ALDH18A1: variants seen among roughly 807,000 people sequenced by gnomAD.
The protein encoded by ALDH18A1 is aldehyde dehydrogenase 18 family member A1.
In ALDH18A1, 44 loss-of-function variants were observed where a neutral mutation model predicts 88.8. The ratio of observed to expected loss-of-function variants is 0.50; its 90% CI spans 0.39 to 0.64. The LOEUF is 0.64. ALDH18A1 is among the 30% of genes least tolerant of loss of function. The pLI is 0.00. For synonymous variants in ALDH18A1, 331 were observed against 372.1 expected (o/e 0.89, Z 1.27); for missense variants, 782 against 1,009.5 (o/e 0.77, Z 3.05).
chr10:95,620,150 A>C (rs1181849673), intron 12 of ALDH18A1, among the ~76,000 whole-genome samples: 1 of 152,260 alleles, frequency 6.6e-6, no homozygotes. Flanking sequence ...TCTCAAAAGA[A>C]GACATTTATG....
intron 7 of ALDH18A1, among the ~76,000 whole-genome samples, chr10:95,632,628 T>G (rs1214174074): frequency 6.6e-6 from 1 of 152,224 alleles, no homozygotes; most frequent in Admixed American, 6.5e-5. Context: ...CCTCCCAAAG[T>G]GTTGGGATTA....
chr10:95,616,360 G>A, intron 13 of ALDH18A1, 117 bp downstream of exon 13: 1 of 1,393,240 alleles, frequency 7.2e-7, no homozygotes, highest in Non-Finnish European at 9.9e-7. Context: ...GCCTGCTGGA[G>A]TGTCAAGTCT....
intron 12 of ALDH18A1, 71 bp from the exon 13 acceptor site, chr10:95,616,685 C>T (rs2139552806): frequency 1.3e-6 from 2 of 1,544,244 alleles, no homozygotes; most frequent in South Asian, 2.4e-5. Context: ...TTAGCATTCA[C>T]AAGCACTCCT....
chr10:95,652,582 A>G (rs1051089463), intron 2 of ALDH18A1, among the ~76,000 whole-genome samples: 1 of 152,140 alleles, frequency 6.6e-6, no homozygotes, highest in African/African-American at 2.4e-5. Flanking sequence ...CTAAAAATAC[A>G]AAATTAGCTG....
At chr10:95,640,350 C>CT (rs34630368) in intron 3 of ALDH18A1, among the ~76,000 whole-genome samples, 51,248 of 146,790 alleles carry the variant, frequency 0.35, 9,391 homozygotes, top group East Asian at 0.7. Flanking sequence ...TCCCTTTTTT[C>CT]TTTTTTTTTT....
intron 17 of ALDH18A1, among the ~76,000 whole-genome samples, chr10:95,609,289 G>A (rs931899939): frequency 6.6e-6 from 1 of 152,230 alleles, no homozygotes; most frequent in Non-Finnish European, 1.5e-5. Context: ...CCCTTCTGAA[G>A]CTTTTTATTT....
chr10:95,628,944 T>G (rs2097864191), intron 7 of ALDH18A1: 1 of 232,596 alleles, frequency 4.3e-6, no homozygotes, highest in Non-Finnish European at 8.5e-6. Context: ...ACTCATTAAC[T>G]CTCACAGTAC....
rs532582192 is a variant in ALDH18A1, at chr10:95,614,178, GA to G, written c.1606-18del. On this transcript the variant is annotated intron_variant, in intron 13 of 17. Transcript: ENST00000371224. The stretch of plus-strand genomic sequence containing the variant: ...GGTATTCACCTTTAGAAGGAAAGAA[GA>G]AAAAGATAAAGATGACATCTGACCA... The G allele has an allele frequency of 1.7e-4, 274 of 1,612,892 alleles. No individual in the cohort carries two copies. The African/African-American group carries it at 2.8e-3, about 16-fold the overall frequency.
intron 1 of ALDH18A1, among the ~76,000 whole-genome samples, chr10:95,654,124 C>A (rs1244870595): frequency 2.0e-5 from 3 of 151,406 alleles, no homozygotes; most frequent in Non-Finnish European, 4.4e-5. Flanking sequence ...TAGGGAACTC[C>A]TTCCTATATG....
intron 2 of ALDH18A1, among the ~76,000 whole-genome samples, chr10:95,648,526 T>TCTC (rs1385888193): frequency 6.6e-6 from 1 of 152,168 alleles, no homozygotes; most frequent in African/African-American, 2.4e-5. Context: ...TTTTGCAGCT[T>TCTC]CTCCATTAAC....
At chr10:95,637,245 G>T (rs766703747) in intron 4 of ALDH18A1, 42 bp downstream of exon 4, 24 of 1,614,090 alleles carry the variant, frequency 1.5e-5, no homozygotes, top group Non-Finnish European at 5.1e-6. Flanking sequence ...GAGGGAAGAA[G>T]ACCTGAAGAT....
chr10:95,643,617 G>C (rs1340081576), intron 2 of ALDH18A1, among the ~76,000 whole-genome samples: 1 of 152,136 alleles, frequency 6.6e-6, no homozygotes, highest in Non-Finnish European at 1.5e-5. Context: ...AACATTTTTA[G>C]AATTTTTAAT....
At chr10:95,616,438 C>T (rs1221907255) in intron 13 of ALDH18A1, 39 bp downstream of exon 13, 5 of 1,552,968 alleles carry the variant, frequency 3.2e-6, no homozygotes, top group South Asian at 2.4e-5. Context: ...CCTGATCTGG[C>T]CCCTCTGGGC....
At chr10:95,625,668 T>C (rs2097859316) in intron 10 of ALDH18A1, among the ~76,000 whole-genome samples, 1 of 151,816 alleles carries the variant, frequency 6.6e-6, no homozygotes, top group Non-Finnish European at 1.5e-5. Flanking sequence ...CTAGGTCACT[T>C]CTTACTTTTC....
At chr10:95,636,109 A>G (rs1170462766) in intron 5 of ALDH18A1, among the ~76,000 whole-genome samples, 2 of 152,248 alleles carry the variant, frequency 1.3e-5, no homozygotes, top group Non-Finnish European at 2.9e-5. Context: ...GTGTAATACC[A>G]GAACATCACT....
intron 13 of ALDH18A1, 141 bp from the exon 14 acceptor site, chr10:95,614,302 A>C: frequency 2.2e-6 from 2 of 927,942 alleles, no homozygotes; most frequent in Non-Finnish European, 3.2e-6. Context: ...TAAAAACAAA[A>C]TTAAGTTCCC....
intron 6 of ALDH18A1, 77 bp from the exon 7 acceptor site, chr10:95,633,126 G>A (rs1339489643): frequency 1.5e-6 from 2 of 1,377,248 alleles, no homozygotes; most frequent in East Asian, 2.3e-5. Flanking sequence ...ACACAGCCAA[G>A]CTCAGGCAAA....
intron 3 of ALDH18A1, among the ~76,000 whole-genome samples, chr10:95,642,711 GTCAGAACTAAGAA>G (rs1220449347): frequency 1.3e-5 from 2 of 151,950 alleles, no homozygotes; most frequent in African/African-American, 4.8e-5. Context: ...CTACTGCGTA[GTCAGAACTAAGAA>G]TCTCTGACAG....
At position 95,633,236 on chromosome 10, in the gene ALDH18A1, T is replaced by C. The variant is rs3750700; in HGVS notation, c.718-187A>G. ...AGAACACACTGTCTACTGGCAATCCTTTTTCCAAACATGCAGTCTTCTAGC... is the reference window on the plus strand; with the variant it reads ...AGAACACACTGTCTACTGGCAATCCCTTTTCCAAACATGCAGTCTTCTAGC... On this transcript the variant is annotated intron_variant, in intron 6 of 17. Transcript: ENST00000371224. 0.66 allele frequency among the ~76,000 whole-genome samples: 100,348 copies of C among 151,702 alleles called. 33,539 individuals carry two copies. Among genetic ancestry groups the C allele is most frequent in the East Asian group, 0.74 (3,803 of 5,146 alleles).
Sources: gnomAD v4.1 joint callset for allele counts (sites outside exome capture counted in the v4.1 genomes callset) on GRCh38, gnomAD v4.1.1 for gene constraint, MANE v1.5 for transcripts, NCBI Gene and HGNC (gene_info 2026-07-23, HGNC 2026-07-21) for gene names.